POU6F2: variants seen among roughly 807,000 people sequenced by gnomAD.
The protein encoded by POU6F2 is POU domain, class 6, transcription factor 2.
Under a neutral mutation model 71.3 loss-of-function variants are expected in POU6F2, and 31 were observed. The observed-to-expected ratio is 0.43, with a 90% CI of 0.33 to 0.59. The LOEUF (loss-of-function observed/expected upper bound fraction) is 0.59. POU6F2 is among the 20% of genes least tolerant of loss of function. The pLI is 0.04. For missense variants in POU6F2, 783 were observed against 856.8 expected (o/e 0.91, Z 1.07); for synonymous variants, 347 against 355.7 (o/e 0.98, Z 0.27).
At position 39,227,578 on chromosome 7, in the gene POU6F2, G is replaced by A. The variant is rs1463356443; in HGVS notation, c.598+19958G>A. ...TTTTTTTTTTTTTTTTTTTTGAGAC[G>A]GAGTCTCGCTCTGTCACCCAGGCTG... On this transcript the variant is annotated intron_variant, in intron 4 of 9. Transcript: ENST00000518318. Among the ~76,000 whole-genome samples, 8 of 129,604 alleles carry A rather than the reference G, an allele frequency of 6.2e-5. No individual in the cohort carries two copies. In the East Asian group the frequency reaches 1.8e-3, roughly 29 times the overall value. 85.0% of individuals were successfully genotyped at this position (129,604 alleles called of 152,430 possible).
At chr7:39,251,393 A>G (rs1783911945) in intron 4 of POU6F2, among the ~76,000 whole-genome samples, 1 of 152,222 alleles carries the variant, frequency 6.6e-6, no homozygotes, top group African/African-American at 2.4e-5. Flanking sequence ...GCCAAAGAGA[A>G]TGAACAAAAT....
At chr7:39,059,222 T>G (rs1398141744) in intron 1 of POU6F2, among the ~76,000 whole-genome samples, 1 of 152,014 alleles carries the variant, frequency 6.6e-6, no homozygotes, top group East Asian at 1.9e-4. Context: ...AAGAAGAGAA[T>G]TTTAAAATAT....
At chr7:39,427,092 A>C (rs1489197321) in intron 6 of POU6F2, among the ~76,000 whole-genome samples, 1 of 152,248 alleles carries the variant, frequency 6.6e-6, no homozygotes, top group Non-Finnish European at 1.5e-5. Flanking sequence ...ATTTAGTGTA[A>C]ATGCCCAGGA....
chr7:39,179,927 C>G (rs1469150414), intron 2 of POU6F2, among the ~76,000 whole-genome samples: 2 of 152,162 alleles, frequency 1.3e-5, no homozygotes, highest in African/African-American at 4.8e-5. Context: ...GCTCTACCTA[C>G]TTCATGGGAT....
Position 39,441,852 on chromosome 7 carries a change from G to A in POU6F2, c.1320+8569G>A, listed in dbSNP as rs532073278. On this transcript the variant is annotated intron_variant, in intron 7 of 9. Coordinates refer to ENST00000518318, the MANE Select transcript of POU6F2 (RefSeq NM_001370959.1). ...CTAACAAAAGAAAGGTGGTGGACAG[G>A]AATGATGAAGACTAAGAGTGAGTGT... Among the ~76,000 whole-genome samples the A allele has an allele frequency of 3.9e-5, 6 of 152,230 alleles. No homozygotes were observed. The South Asian group carries it at 1.2e-3, about 32-fold the overall frequency.
At chr7:39,096,067 T>G (rs879691167) in intron 2 of POU6F2, among the ~76,000 whole-genome samples, 1 of 152,128 alleles carries the variant, frequency 6.6e-6, no homozygotes, top group Non-Finnish European at 1.5e-5. Flanking sequence ...CAGTGAGATA[T>G]AGAACCAGAA....
At chr7:39,280,803 G>A (rs1369929060) in intron 4 of POU6F2, among the ~76,000 whole-genome samples, 1 of 152,182 alleles carries the variant, frequency 6.6e-6, no homozygotes, top group Non-Finnish European at 1.5e-5. Context: ...CTGAAGCACT[G>A]GGAATAAAAC....
At chr7:39,305,279 G>A (rs187339368) in intron 4 of POU6F2, among the ~76,000 whole-genome samples, 2 of 152,242 alleles carry the variant, frequency 1.3e-5, no homozygotes, top group East Asian at 3.9e-4. Context: ...ACTTGCCCAG[G>A]GGCATACAAT....
chr7:39,085,969 A>G lies in POU6F2; in HGVS notation c.215A>G (p.Asn72Ser). 6.2e-7 allele frequency: 1 copy of G among 1,613,826 alleles called. No homozygotes were observed. Among genetic ancestry groups the G allele is most frequent in the Non-Finnish European group, 8.5e-7 (1 of 1,179,814 alleles). Reference protein sequence around the residue: ...DKAATSDSELNEPLLAPVESN... With the variant: ...DKAATSDSELSEPLLAPVESN... ...GCTGCTACTTCAGACAGCGAGCTGA[A>G]TGAGCCCCTGCTTGCGCCTGTGGAA... The change falls in exon 2 of 10, where the codon AAT (asparagine) becomes AGT (serine). Residue 72 changes from asparagine to serine, a missense_variant. Asn to Ser is a conservative substitution (Grantham distance 46, BLOSUM62 1). Coordinates refer to ENST00000518318, the MANE Select transcript of POU6F2 (RefSeq NM_001370959.1).
chr7:39,273,067 A>G (rs1583488866), intron 4 of POU6F2, among the ~76,000 whole-genome samples: 1 of 152,342 alleles, frequency 6.6e-6, no homozygotes, highest in South Asian at 2.1e-4. Context: ...CTGAAGCACT[A>G]ACTTAGACAA....
intron 2 of POU6F2, among the ~76,000 whole-genome samples, chr7:39,149,784 C>T (rs574673019): frequency 3.9e-5 from 6 of 152,226 alleles, no homozygotes; most frequent in African/African-American, 1.2e-4. Context: ...AAAATATTCC[C>T]CATATAAATG....
In POU6F2 at chr7:39,392,573, C is replaced by T. The variant is rs367846882; in HGVS notation, c.973-14027C>T. ...CACAAGGGATGATTGATGGGTGGAC[C>T]TCAGTGTGTATCAGAGGTTTTCGTC... On this transcript the variant is annotated intron_variant, in intron 5 of 9. Transcript: ENST00000518318. Among the ~76,000 whole-genome samples, 10 of 152,308 alleles carry T rather than the reference C, an allele frequency of 6.6e-5. No homozygotes were observed. In the East Asian group the frequency reaches 1.5e-3, roughly 23 times the overall value.
At chr7:39,162,255 TAGTG>T (rs1472615174) in intron 2 of POU6F2, among the ~76,000 whole-genome samples, 1 of 152,142 alleles carries the variant, frequency 6.6e-6, no homozygotes, top group African/African-American at 2.4e-5. Context: ...AGATAAGACT[TAGTG>T]AGGAATATTT....
Position 39,467,527 on chromosome 7 carries a change from A to G in POU6F2, c.*2841A>G, listed in dbSNP as rs1583627648. Reference sequence around the variant, plus strand: ...TTTCAAGCTTCAGTATTTTTCTCACATAATTTTTAATTATTGTTATCTGCA... The same window carrying G: ...TTTCAAGCTTCAGTATTTTTCTCACGTAATTTTTAATTATTGTTATCTGCA... On this transcript the variant is annotated 3_prime_UTR_variant, in exon 10 of 10. Coordinates refer to ENST00000518318, the MANE Select transcript of POU6F2 (RefSeq NM_001370959.1). 2.0e-5 allele frequency: 3 copies of G among 152,236 alleles called. No homozygotes were observed. The highest frequency in any genetic ancestry group is 4.8e-5 in the African/African-American group (2 of 41,466). 9.4% of individuals were successfully genotyped at this position (152,236 alleles called of 1,614,324 possible). A position where few individuals can be genotyped will look rare whatever the true frequency, so the allele number is the denominator to read the frequency against.
Position 39,442,771 on chromosome 7 carries a change from AC to A in POU6F2, c.1321-8760del, listed in dbSNP as rs1788434657. On this transcript the variant is annotated intron_variant, in intron 7 of 9. Coordinates refer to ENST00000518318, the MANE Select transcript of POU6F2 (RefSeq NM_001370959.1). ...CCTCTTTTGCTACAATCTGCTAAAA[AC>A]CTTTTCTGTCAGCAAAGCCAGTTGT... Among the ~76,000 whole-genome samples the A allele has an allele frequency of 2.6e-5, 4 of 152,072 alleles. No individual in the cohort carries two copies. The South Asian group carries it at 8.3e-4, about 32-fold the overall frequency.
intron 2 of POU6F2, among the ~76,000 whole-genome samples, chr7:39,155,881 C>T (rs951981402): frequency 6.6e-6 from 1 of 152,080 alleles, no homozygotes; most frequent in Admixed American, 6.6e-5. Flanking sequence ...AAACACTATT[C>T]AATTAGCCAC....
chr7:39,324,795 T>C (rs929502503), intron 4 of POU6F2, among the ~76,000 whole-genome samples: 1 of 152,248 alleles, frequency 6.6e-6, no homozygotes, highest in Non-Finnish European at 1.5e-5. Context: ...TTGCTTTTTA[T>C]GAATTTTCTT....
chr7:39,339,625 G>T lies in POU6F2; in HGVS notation c.599-17G>T, dbSNP rs776559473. On this transcript the variant is annotated splice_polypyrimidine_tract_variant and intron_variant, in intron 4 of 9. Coordinates refer to ENST00000518318, the MANE Select transcript of POU6F2 (RefSeq NM_001370959.1). ...TGTCATGTTATCTCACTCCACATTC[G>T]CTTTCTCTCCTTGTAGCTACCTCAT... 6.4e-7 allele frequency: 1 copy of T among 1,567,136 alleles called. No homozygotes were observed. The highest frequency in any genetic ancestry group is 8.6e-7 in the Non-Finnish European group (1 of 1,162,686).
chr7:39,116,752 AG>A (rs995409357), intron 2 of POU6F2, among the ~76,000 whole-genome samples: 9 of 151,922 alleles, frequency 5.9e-5, no homozygotes, highest in African/African-American at 2.2e-4. Context: ...CCCTCCCTCC[AG>A]TGTTAGATAT....
Sources: gnomAD v4.1 joint callset for allele counts (sites outside exome capture counted in the v4.1 genomes callset) on GRCh38, gnomAD v4.1.1 for gene constraint, MANE v1.5 for transcripts, NCBI Gene and HGNC (gene_info 2026-07-23, HGNC 2026-07-21) for gene names.